SHISA9: variants seen among roughly 807,000 people sequenced by gnomAD.
SHISA9 encodes protein shisa-9.
SHISA9 carries 13 observed loss-of-function variants against 38.0 expected under a neutral mutation model. That is an observed-to-expected ratio of 0.34 (90% CI 0.22 to 0.54). The LOEUF (loss-of-function observed/expected upper bound fraction) is 0.54, where lower values mean the gene tolerates loss of function less well. SHISA9 is among the 20% of genes least tolerant of loss of function. The pLI is 0.91. For synonymous variants in SHISA9, 275 were observed against 242.0 expected (o/e 1.14, Z -1.27); for missense variants, 538 against 575.8 (o/e 0.93, Z 0.67).
At chr16:13,019,836 T>TTTCTTTC (rs2072810045) in intron 2 of SHISA9, among the ~76,000 whole-genome samples, 4 of 37,502 alleles carry the variant, frequency 1.1e-4, no homozygotes, top group East Asian at 9.7e-4. Flanking sequence ...TTCTTTCTTT[T>TTTCTTTC]TCCTTCCTTC....
At chr16:13,035,872 A>G (rs2073053907) in intron 2 of SHISA9, among the ~76,000 whole-genome samples, 1 of 152,206 alleles carries the variant, frequency 6.6e-6, no homozygotes, top group Non-Finnish European at 1.5e-5. Flanking sequence ...CCACCAAAGA[A>G]GATATATATA....
At chr16:13,286,857 G>C in the SHISA9 span, among the ~76,000 whole-genome samples, 1 of 152,308 alleles carries the variant, frequency 6.6e-6, no homozygotes, top group South Asian at 2.1e-4. Context: ...CAGTAAATGA[G>C]ATGAAGCTGT....
the SHISA9 span, among the ~76,000 whole-genome samples, chr16:13,357,085 G>A: frequency 1.3e-5 from 2 of 152,066 alleles, no homozygotes; most frequent in Admixed American, 6.5e-5. Flanking sequence ...GAGACACGGA[G>A]AAGGGGTGGA....
intron 2 of SHISA9, among the ~76,000 whole-genome samples, chr16:13,045,446 G>T (rs2073175860): frequency 6.6e-6 from 1 of 152,106 alleles, no homozygotes; most frequent in East Asian, 1.9e-4. Flanking sequence ...TACTGTCTTG[G>T]CTAAGTAGTA....
chr16:13,285,734 G>C, the SHISA9 span, among the ~76,000 whole-genome samples: 4 of 152,140 alleles, frequency 2.6e-5, no homozygotes, highest in African/African-American at 9.6e-5. Context: ...TGGCTTAACT[G>C]CTTTATCTTT....
At chr16:13,050,773 A>G (rs1361656941) in intron 2 of SHISA9, among the ~76,000 whole-genome samples, 2 of 152,224 alleles carry the variant, frequency 1.3e-5, no homozygotes, top group Middle Eastern at 3.2e-3. Flanking sequence ...CTAGTAACAG[A>G]TTGGAACTCA....
Position 13,237,654 on chromosome 16 carries a change from CAAAAAAAAA to C in SHISA9, c.*2254_*2262del, listed in dbSNP as rs60419034. The stretch of plus-strand genomic sequence containing the variant: ...CCTGGGTGACGGAGTGAGACTATCT[CAAAAAAAAA>C]AAAAAAAAGAAAAAAAAAGAGATCT... On this transcript the variant is annotated 3_prime_UTR_variant, in exon 5 of 5. Coordinates refer to ENST00000558583, the MANE Select transcript of SHISA9 (RefSeq NM_001145204.3). The C allele has an allele frequency of 1.0e-5, 1 of 96,670 alleles. No homozygotes were observed. The highest frequency in any genetic ancestry group is 2.9e-4 in the East Asian group (1 of 3,416). 6.0% of individuals were successfully genotyped at this position (96,670 alleles called of 1,614,324 possible).
At chr16:12,938,662 T>C (rs1309840086) in intron 2 of SHISA9, among the ~76,000 whole-genome samples, 1 of 151,938 alleles carries the variant, frequency 6.6e-6, no homozygotes, top group South Asian at 2.1e-4. Context: ...CACGCCCAGC[T>C]AATTTTTTTT....
chr16:13,336,687 G>T, the SHISA9 span, among the ~76,000 whole-genome samples: 2 of 152,194 alleles, frequency 1.3e-5, no homozygotes, highest in Non-Finnish European at 2.9e-5. Flanking sequence ...GTCAGGTGTG[G>T]GACTTAGTTT....
chr16:13,273,306 C>T, the SHISA9 span, among the ~76,000 whole-genome samples: 2 of 152,272 alleles, frequency 1.3e-5, no homozygotes, highest in African/African-American at 4.8e-5. Context: ...TTGCTTAACC[C>T]CTGATATGGT....
chr16:13,270,187 C>T, the SHISA9 span, among the ~76,000 whole-genome samples: 1 of 152,078 alleles, frequency 6.6e-6, no homozygotes, highest in Admixed American at 6.6e-5. Context: ...TTACATTTCC[C>T]CTGATGGTGA....
At chr16:13,528,729 C>A in the SHISA9 span, among the ~76,000 whole-genome samples, 2 of 152,174 alleles carry the variant, frequency 1.3e-5, no homozygotes, top group Non-Finnish European at 2.9e-5. Context: ...GTAACATAGA[C>A]CTAAAATCCC....
At chr16:13,242,757 C>T (rs2051444380), downstream of SHISA9, among the ~76,000 whole-genome samples, 1 of 152,148 alleles carries the variant, frequency 6.6e-6, no homozygotes, top group Non-Finnish European at 1.5e-5. Context: ...TATTCTTCTT[C>T]CTGATCACCA....
intron 2 of SHISA9, among the ~76,000 whole-genome samples, chr16:13,138,795 C>A (rs1407906106): frequency 1.3e-5 from 2 of 152,150 alleles, no homozygotes; most frequent in Non-Finnish European, 2.9e-5. Context: ...ATGAGGATTC[C>A]TATTTGGAAA....
intron 2 of SHISA9, among the ~76,000 whole-genome samples, chr16:12,931,448 C>T (rs575249269): frequency 5.9e-5 from 9 of 152,274 alleles, no homozygotes; most frequent in Non-Finnish European, 8.8e-5. Context: ...CCCTTTCTCG[C>T]CCTCTAGCAT....
At chr16:13,259,768 G>C in the SHISA9 span, among the ~76,000 whole-genome samples, 2 of 152,162 alleles carry the variant, frequency 1.3e-5, no homozygotes, top group East Asian at 1.9e-4. Flanking sequence ...TGGGACACAG[G>C]GAATCAAGTC....
At chr16:13,080,667 G>A (rs2073638393) in intron 2 of SHISA9, among the ~76,000 whole-genome samples, 1 of 152,206 alleles carries the variant, frequency 6.6e-6, no homozygotes, top group African/African-American at 2.4e-5. Context: ...TCATTTACCA[G>A]AATTCCTAGT....
the SHISA9 span, among the ~76,000 whole-genome samples, chr16:13,271,406 A>G: frequency 6.6e-6 from 1 of 152,268 alleles, no homozygotes; most frequent in South Asian, 2.1e-4. Flanking sequence ...ATGTAGACCA[A>G]TTTAAAAAAG....
At chr16:12,977,838 G>A (rs2072185428) in intron 2 of SHISA9, among the ~76,000 whole-genome samples, 1 of 152,064 alleles carries the variant, frequency 6.6e-6, no homozygotes, top group South Asian at 2.1e-4. Context: ...GGGGGAGAGT[G>A]AGAGCATCAG....
Sources: gnomAD v4.1 joint callset for allele counts (sites outside exome capture counted in the v4.1 genomes callset) on GRCh38, gnomAD v4.1.1 for gene constraint, MANE v1.5 for transcripts, NCBI Gene and HGNC (gene_info 2026-07-23, HGNC 2026-07-21) for gene names.